FGFR4: variants seen among roughly 807,000 people sequenced by gnomAD.
FGFR4 encodes fibroblast growth factor receptor 4.
A neutral mutation model predicts 89.9 loss-of-function variants in FGFR4; 63 were observed. The observed-to-expected ratio is 0.70, with a 90% CI of 0.57 to 0.86. The LOEUF (loss-of-function observed/expected upper bound fraction) is 0.86, where lower values mean the gene tolerates loss of function less well. FGFR4 is among the 40% of genes least tolerant of loss of function. The pLI is 0.00. For missense variants in FGFR4, 928 were observed against 1,106.7 expected, an observed-to-expected ratio of 0.84 and a Z score of 2.29; for synonymous variants, 486 against 479.4, an observed-to-expected ratio of 1.01 and a Z score of -0.18.
Position 177,089,694 on chromosome 5 carries a change from G to A in FGFR4, c.91+1G>A. 6.2e-7 allele frequency: 1 copy of A among 1,613,696 alleles called. No individual in the cohort carries two copies. The highest frequency in any genetic ancestry group is 8.5e-7 in the Non-Finnish European group (1 of 1,179,828). ...GAGGCCTCTGAGGAAGTGGAGCTTG[G>A]TATGGCTTCTGAGGTGGGAGAGGGT... On this transcript the variant is annotated splice_donor_variant, in intron 2 of 17. Coordinates refer to ENST00000292408, the MANE Select transcript of FGFR4 (RefSeq NM_213647.3). LOFTEE classifies it high-confidence loss of function.
intron 15 of FGFR4, 119 bp downstream of exon 15, chr5:177,096,476 G>A (rs1468078848): frequency 1.3e-6 from 2 of 1,524,756 alleles, no homozygotes; most frequent in African/African-American, 1.4e-5. Context: ...TGGGACCCGA[G>A]TGGGCCCAGA....
At chr5:177,096,508 CA>C in intron 15 of FGFR4, 95 bp from the exon 16 acceptor site, 2 of 1,548,360 alleles carry the variant, frequency 1.3e-6, no homozygotes, top group Non-Finnish European at 8.8e-7. Context: ...GCCCATTCCC[CA>C]ACAGCTGTGG....
intron 2 of FGFR4, chr5:177,090,118 ATG>A (rs754226954): frequency 7.7e-4 from 481 of 621,012 alleles, no homozygotes; most frequent in East Asian, 1.9e-3. Context: ...GTGTGTCCGT[ATG>A]TGTGTGTGTG....
In FGFR4 at chr5:177,090,986, T is replaced by C. The variant is rs2149731856; in HGVS notation, c.485T>C (p.Val162Ala). The C allele has an allele frequency of 6.2e-7, 1 of 1,614,040 alleles. No homozygotes were observed. The highest frequency in any genetic ancestry group is 8.5e-7 in the Non-Finnish European group (1 of 1,179,912). The change falls in exon 5 of 18, where the codon GTA becomes GCA. Residue 162 changes from valine (V) to alanine (A), a missense_variant. Physicochemically the swap from Val to Ala is moderately conservative, Grantham distance 64. Transcript: ENST00000292408. ...CGCATGGAGAAGAAACTGCATGCAG[T>C]ACCTGCGGGGAACACCGTCAAGTTC... Reference protein sequence around the residue: ...PQRMEKKLHAVPAGNTVKFRC... With the variant: ...PQRMEKKLHAAPAGNTVKFRC...
At chr5:177,092,229 C>A in intron 6 of FGFR4, 92 bp from the exon 7 acceptor site, 1 of 1,321,718 alleles carries the variant, frequency 7.6e-7, no homozygotes, top group South Asian at 1.6e-5. Flanking sequence ...AGAAAGGTCC[C>A]TCCCTTGAAC....
In FGFR4 at chr5:177,093,496, G is replaced by A. The variant is rs145635664; in HGVS notation, c.1342G>A (p.Gly448Ser). ...CTCCAGCGGCCCCGCCTTGCTCGCC[G>A]GCCTCGTGAGTCTAGATCTACCTCT... ...LSSSGPALLA[G>S]LVSLDLPLDP... The change falls in exon 10 of 18, where the codon GGC becomes AGC. Residue 448 changes from glycine to serine, a missense_variant. Coordinates refer to ENST00000292408, the MANE Select transcript of FGFR4 (RefSeq NM_213647.3). This position sits in a 1 kb window ranked among gnomAD's most constrained non-coding sequence, Gnocchi z 5.8. The A allele has an allele frequency of 2.0e-5, 32 of 1,613,768 alleles. No individual in the cohort carries two copies. Among genetic ancestry groups the A allele is most frequent in the South Asian group, 4.4e-5 (4 of 91,088 alleles).
chr5:177,089,889 G>A (rs1399928986), intron 2 of FGFR4, 196 bp downstream of exon 2: 3 of 804,308 alleles, frequency 3.7e-6, no homozygotes, highest in Non-Finnish European at 6.3e-6. Flanking sequence ...GTCTGCGAGA[G>A]AGGACTGGCC....
chr5:177,093,863 T>C lies in FGFR4; in HGVS notation c.1519+88T>C. ...GGGAGGATCGCTTGAATCCAGGAAT[T>C]CGAGGCCAGCCTGGGCAACATGGCA... On this transcript the variant is annotated intron_variant, in intron 11 of 17. Coordinates refer to ENST00000292408, the MANE Select transcript of FGFR4 (RefSeq NM_213647.3). The surrounding 1 kb of genome is among the most constrained non-coding windows in gnomAD (Gnocchi z 5.8). The C allele has an allele frequency of 6.9e-7, 1 of 1,451,120 alleles. No individual in the cohort carries two copies. Among genetic ancestry groups the C allele is most frequent in the Non-Finnish European group, 9.3e-7 (1 of 1,074,846 alleles). 89.9% of individuals were successfully genotyped at this position (1,451,120 alleles called of 1,614,324 possible). A position where few individuals can be genotyped will look rare whatever the true frequency, so the allele number is the denominator to read the frequency against.
In FGFR4 at chr5:177,090,130, G is replaced by GTA. The variant is rs1433172959; in HGVS notation, c.92-258_92-257dup. 8.1e-4 allele frequency: 508 copies of GTA among 630,960 alleles called. 2 individuals are homozygous for GTA. The highest frequency in any genetic ancestry group is 5.9e-5 in the Non-Finnish European group (21 of 354,408). 39.1% of individuals were successfully genotyped at this position (630,960 alleles called of 1,614,324 possible). A position where few individuals can be genotyped will look rare whatever the true frequency, so the allele number is the denominator to read the frequency against. On this transcript the variant is annotated intron_variant, in intron 2 of 17. Transcript: ENST00000292408. The stretch of plus-strand genomic sequence containing the variant: ...TGTGTGTGTCCGTATGTGTGTGTGT[G>GTA]TATGCGTGTGTGTGTGTGTGTGTGT...
intron 6 of FGFR4, 27 bp downstream of exon 6, chr5:177,091,835 G>A (rs1448260348): frequency 5.6e-6 from 9 of 1,612,492 alleles, no homozygotes; most frequent in African/African-American, 2.7e-5. Flanking sequence ...GAACAGGGGA[G>A]GCCTGACCCA....
chr5:177,092,844 C>G (rs1041032660), intron 8 of FGFR4, 60 bp downstream of exon 8: 1 of 1,611,798 alleles, frequency 6.2e-7, no homozygotes, highest in African/African-American at 1.3e-5. Flanking sequence ...GCAGTGGGGG[C>G]TGTGGCCTGT....
rs1355796119 is a variant in FGFR4, at chr5:177,087,759, G to C, written c.-54+682G>C. On this transcript the variant is annotated intron_variant, in intron 1 of 17. Coordinates refer to ENST00000292408, the MANE Select transcript of FGFR4 (RefSeq NM_213647.3). This position sits in a 1 kb window ranked among gnomAD's most constrained non-coding sequence, Gnocchi z 6.1. The stretch of plus-strand genomic sequence containing the variant: ...TACCAAGGAGGATCCGACTGGATTC[G>C]AGAGTTGAGGTGGGCCAGAGACAGC... 2.1e-6 allele frequency: 1 copy of C among 484,938 alleles called. No individual in the cohort carries two copies. The highest frequency in any genetic ancestry group is 1.5e-4 in the East Asian group (1 of 6,498). 30.0% of individuals were successfully genotyped at this position (484,938 alleles called of 1,614,324 possible).
chr5:177,096,530 C>G, intron 15 of FGFR4, 74 bp from the exon 16 acceptor site: 1 of 1,583,042 alleles, frequency 6.3e-7, no homozygotes, highest in Non-Finnish European at 8.6e-7. Flanking sequence ...TGGGTCATGT[C>G]TGTGGGGTCC....
chr5:177,096,011 C>A, intron 13 of FGFR4, 46 bp from the exon 14 acceptor site: 1 of 1,595,514 alleles, frequency 6.3e-7, no homozygotes. Flanking sequence ...GTGTGCTCAA[C>A]TCCAGGCCAG....
In FGFR4 at chr5:177,096,095, G is replaced by A; in HGVS notation, c.1860G>A (p.Val620=). Residue 620 remains valine, a synonymous_variant, in exon 14 of 18, where the codon GTG becomes GTA. Coordinates refer to ENST00000292408, the MANE Select transcript of FGFR4 (RefSeq NM_213647.3). The stretch of plus-strand genomic sequence containing the variant: ...ACCTGGCTGCCCGCAATGTGCTGGT[G>A]ACTGAGGACAATGTGATGAAGATTG... ...HRDLAARNVL[V]TEDNVMKIAD... 1 of 1,614,192 alleles carries A rather than the reference G, an allele frequency of 6.2e-7. No individual in the cohort carries two copies. Among genetic ancestry groups the A allele is most frequent in the Non-Finnish European group, 8.5e-7 (1 of 1,180,018 alleles).
chr5:177,093,126 G>T lies in FGFR4; in HGVS notation c.1058-12G>T, dbSNP rs2149734909. 3 of 1,614,048 alleles carry T rather than the reference G, an allele frequency of 1.9e-6. No homozygotes were observed. Among genetic ancestry groups the T allele is most frequent in the South Asian group, 2.2e-5 (2 of 91,088 alleles). On this transcript the variant is annotated splice_polypyrimidine_tract_variant and intron_variant, in intron 8 of 17. Transcript: ENST00000292408. The surrounding 1 kb of genome is among the most constrained non-coding windows in gnomAD (Gnocchi z 5.8). ...AGTTTGTCTGTCTGTGTGTGTCCAT[G>T]TGCGAGGGCAGAGGAGGACCCCACA...
intron 8 of FGFR4, 159 bp from the exon 9 acceptor site, chr5:177,092,979 C>T: frequency 7.8e-7 from 1 of 1,275,650 alleles, no homozygotes; most frequent in Non-Finnish European, 1.1e-6. Context: ...TGACCGTCTG[C>T]TGAGGTGTGG....
In FGFR4 at chr5:177,096,651, C is replaced by T; in HGVS notation, c.2063C>T (p.Ser688Phe). The T allele has an allele frequency of 6.2e-7, 1 of 1,612,980 alleles. No individual in the cohort carries two copies. The highest frequency in any genetic ancestry group is 8.5e-7 in the Non-Finnish European group (1 of 1,179,520). The change falls in exon 16 of 18, where the codon TCC becomes TTC. Residue 688 changes from serine (S) to phenylalanine (F), a missense_variant. Physicochemically the swap from Ser to Phe is radical, Grantham distance 155. Coordinates refer to ENST00000292408, the MANE Select transcript of FGFR4 (RefSeq NM_213647.3). ...TGGGAGATCTTCACCCTCGGGGGCT[C>T]CCCGTATCCTGGCATCCCGGTGGAG... ...LLWEIFTLGG[S>F]PYPGIPVEEL...
At position 177,091,724 on chromosome 5, in the gene FGFR4, G is replaced by C. The variant is rs1482714188; in HGVS notation, c.643G>C (p.Val215Leu). The change falls in exon 6 of 18, where the codon GTG becomes CTG. Residue 215 changes from valine (V) to leucine (L), a missense_variant. Physicochemically the swap from Val to Leu is conservative, Grantham distance 32 (BLOSUM62 1). Around this residue, in one of 5 missense-constraint regions of FGFR4, gnomAD observed 741 missense variants for 836.9 expected, o/e 0.89. Coordinates refer to ENST00000292408, the MANE Select transcript of FGFR4 (RefSeq NM_213647.3). The part of the protein sequence containing the change: ...QHWSLVMESV[V>L]PSDRGTYTCL... ...CTGGAGTCTCGTGATGGAGAGCGTG[G>C]TGCCCTCGGACCGCGGCACATACAC... The C allele has an allele frequency of 6.2e-7, 1 of 1,614,226 alleles. No homozygotes were observed. The highest frequency in any genetic ancestry group is 1.1e-5 in the South Asian group (1 of 91,080).
Sources: gnomAD v4.1 joint callset for allele counts on GRCh38, gnomAD v4.1.1 for gene constraint, gnomAD v4.1.1 regional missense constraint, Gnocchi (gnomAD v3.1) non-coding constraint, MANE v1.5 for transcripts, NCBI Gene and HGNC (gene_info 2026-07-23, HGNC 2026-07-21) for gene names.